Variants in GLOD4 observed in about 807,000 individuals in gnomAD.
GLOD4 encodes glyoxalase domain-containing protein 4.
A neutral mutation model predicts 39.1 loss-of-function variants in GLOD4; 44 were observed. The ratio of observed to expected loss-of-function variants is 1.13; its 90% CI spans 0.88 to 1.45. The LOEUF is 1.45. GLOD4 is among the 40% of genes most tolerant of loss of function. GLOD4 has a pLI of 0.00. For synonymous variants in GLOD4, 145 were observed against 135.0 expected (o/e 1.07, Z -0.52); for missense variants, 405 against 366.4 (o/e 1.11, Z -0.86).
At chr17:782,365 G>A (rs759119521), upstream of GLOD4, 3 of 1,613,348 alleles carry the variant, frequency 1.9e-6, no homozygotes, top group African/African-American at 1.3e-5. Flanking sequence ...GACGCAGCCC[G>A]GGTCTCAGGG....
At chr17:779,963 G>A (rs1168147183) in intron 1 of GLOD4, among the ~76,000 whole-genome samples, 2 of 152,102 alleles carry the variant, frequency 1.3e-5, no homozygotes, top group African/African-American at 2.4e-5. Flanking sequence ...AGGAGATCGA[G>A]ACCATCCTGG....
intron 8 of GLOD4, among the ~76,000 whole-genome samples, chr17:762,077 T>C (rs1431710496): frequency 1.3e-5 from 2 of 152,208 alleles, no homozygotes; most frequent in African/African-American, 4.8e-5. Flanking sequence ...AATTACTGGC[T>C]GTTTGCTTTG....
intron 8 of GLOD4, among the ~76,000 whole-genome samples, chr17:761,260 A>G (rs549586508): frequency 5.9e-5 from 9 of 152,316 alleles, no homozygotes; most frequent in South Asian, 4.1e-4. Flanking sequence ...AGAAACAAAT[A>G]TATTTATTAT....
chr17:767,003 T>C (rs1170877136), intron 8 of GLOD4, among the ~76,000 whole-genome samples: 1 of 152,248 alleles, frequency 6.6e-6, no homozygotes, highest in East Asian at 1.9e-4. Flanking sequence ...TCCTTCAGGA[T>C]AAAATGTATA....
In GLOD4 at chr17:776,915, T is replaced by G. The variant is rs1475798596; in HGVS notation, c.214A>C (p.Thr72Pro). ...TAGTCTCCGACGCCATAATTGTAAG[T>G]CAGTTCTGCGACAAAATGATCATCC... ...PEDDHFVAEL[T>P]YNYGVGDYKL... The change falls in exon 3 of 9, where the codon ACT becomes CCT. Residue 72 changes from threonine to proline, a missense_variant. By Grantham distance (38) the Thr-to-Pro change is conservative. Transcript: ENST00000301329. 1.2e-6 allele frequency: 2 copies of G among 1,612,088 alleles called. No individual in the cohort carries two copies. Among genetic ancestry groups the G allele is most frequent in the Non-Finnish European group, 8.5e-7 (1 of 1,178,132 alleles).
chr17:782,939 C>T (rs1910231855), upstream of GLOD4: 1 of 1,229,952 alleles, frequency 8.1e-7, no homozygotes. Context: ...CCGCCCGCCT[C>T]GGCCTCCCAA....
At chr17:779,493 C>A (rs1909510148) in intron 1 of GLOD4, among the ~76,000 whole-genome samples, 1 of 151,648 alleles carries the variant, frequency 6.6e-6, no homozygotes, top group Non-Finnish European at 1.5e-5. Flanking sequence ...ACAAAATTAG[C>A]CAGGCATGGT....
chr17:776,785 C>A (rs1002001870), intron 3 of GLOD4, 83 bp downstream of exon 3: 2 of 1,024,408 alleles, frequency 2.0e-6, no homozygotes, highest in African/African-American at 1.6e-5. Flanking sequence ...TCTTCACTCA[C>A]ACACACCCTT....
chr17:784,758 C>A (rs1355746318), upstream of GLOD4, among the ~76,000 whole-genome samples: 1 of 152,188 alleles, frequency 6.6e-6, no homozygotes, highest in African/African-American at 2.4e-5. Flanking sequence ...ATAAGTAGGG[C>A]CTCCGTATAG....
At chr17:780,965 G>C (rs149668309) in intron 1 of GLOD4, among the ~76,000 whole-genome samples, 2 of 140,176 alleles carry the variant, frequency 1.4e-5, no homozygotes, top group African/African-American at 2.7e-5. Flanking sequence ...TCGTCATCCA[G>C]GCTGGAACAC....
At chr17:764,428 G>A (rs897547122) in intron 8 of GLOD4, 1 of 152,216 alleles carries the variant, frequency 6.6e-6, no homozygotes, top group African/African-American at 2.4e-5. Flanking sequence ...GTGGACAAAC[G>A]ATGGTCCGAT....
intron 5 of GLOD4, 91 bp downstream of exon 5, chr17:771,234 A>G (rs1907898324): frequency 1.4e-6 from 1 of 728,730 alleles, no homozygotes; most frequent in Admixed American, 2.8e-5. Flanking sequence ...CCTTCATGTT[A>G]ACTTCATTTA....
At position 760,319 on chromosome 17, in the gene GLOD4, GACC is replaced by G; in HGVS notation, c.832-84_832-82del. On this transcript the variant is annotated intron_variant, in intron 8 of 8. Coordinates refer to ENST00000301329, the MANE Select transcript of GLOD4 (RefSeq NM_016080.4). ...AGCCCACTTTATATCTCACTGTACTGACCACAATAAAAAAAATTAACATTAAAA... is the reference window on the plus strand; with the variant it reads ...AGCCCACTTTATATCTCACTGTACTGACAATAAAAAAAATTAACATTAAAA... The G allele has an allele frequency of 6.9e-6, 5 of 726,116 alleles. No individual in the cohort carries two copies. The South Asian group carries it at 8.1e-5, about 12-fold the overall frequency. The allele number at this position is 726,116 out of a possible 1,614,324, so 45.0% of individuals were successfully genotyped here. A position where few individuals can be genotyped will look rare whatever the true frequency, so the allele number is the denominator to read the frequency against.
At chr17:774,948 A>C (rs2144414536) in intron 4 of GLOD4, among the ~76,000 whole-genome samples, 1 of 152,148 alleles carries the variant, frequency 6.6e-6, no homozygotes, top group East Asian at 1.9e-4. Flanking sequence ...ATGTGCCTGT[A>C]ATCTCAGCTA....
In GLOD4 at chr17:770,054, A is replaced by G; in HGVS notation, c.734T>C (p.Leu245Pro). ...PGKATVQVVI[L>P]ADPDGHEICF... The stretch of plus-strand genomic sequence containing the variant: ...CTGAGAAATACTTACAGGGTCGGCC[A>G]GAATGACCACCTGTACTGTTGCTTT... Residue 245 changes from leucine to proline, a missense_variant, in exon 7 of 9, where the codon CTG (leucine) becomes CCG (proline). Physicochemically the swap from Leu to Pro is moderately conservative, Grantham distance 98. Transcript: ENST00000301329. 6.2e-7 allele frequency: 1 copy of G among 1,606,706 alleles called. No individual in the cohort carries two copies. The highest frequency in any genetic ancestry group is 8.5e-7 in the Non-Finnish European group (1 of 1,173,260).
rs895474099 is a variant in GLOD4, at chr17:760,107, T to C, written c.*66A>G. 6 of 889,898 alleles carry C rather than the reference T, an allele frequency of 6.7e-6. No individual in the cohort carries two copies. The highest frequency in any genetic ancestry group is 1.1e-5 in the Non-Finnish European group (6 of 522,166). The allele number at this position is 889,898 out of a possible 1,614,324, so 55.1% of individuals were successfully genotyped here. On this transcript the variant is annotated 3_prime_UTR_variant, in exon 9 of 9. Transcript: ENST00000301329. ...AATCAGAAGAGCATTTATTGGGAAC[T>C]GACACGTCAGGCCTCACAGGTGCTG...
At position 771,487 on chromosome 17, in the gene GLOD4, A is replaced by T. The variant is rs545628630; in HGVS notation, c.407-26T>A. On this transcript the variant is annotated intron_variant, in intron 4 of 8. Transcript: ENST00000301329. ...CTGTTGGGTAATAAAGCAGGAATAG[A>T]CAGATCAATTTAATAGAATAAAATA... 6.4e-6 allele frequency: 9 copies of T among 1,395,372 alleles called. No individual in the cohort carries two copies. The East Asian group carries it at 1.9e-4, about 30-fold the overall frequency. The allele number at this position is 1,395,372 out of a possible 1,614,324, so 86.4% of individuals were successfully genotyped here. A position where few individuals can be genotyped will look rare whatever the true frequency, so the allele number is the denominator to read the frequency against.
At chr17:768,408 G>A (rs1296231767) in intron 8 of GLOD4, among the ~76,000 whole-genome samples, 2 of 141,846 alleles carry the variant, frequency 1.4e-5, no homozygotes, top group Non-Finnish European at 3.0e-5. Flanking sequence ...GAAACAGCGC[G>A]CGCTCAGATT....
At chr17:782,765 C>T, upstream of GLOD4, 2 of 1,453,410 alleles carry the variant, frequency 1.4e-6, no homozygotes, top group Non-Finnish European at 1.8e-6. Context: ...TAACCTCCTT[C>T]CGATGGAGGA....
Sources: gnomAD v4.1 joint callset for allele counts (sites outside exome capture counted in the v4.1 genomes callset) on GRCh38, gnomAD v4.1.1 for gene constraint, MANE v1.5 for transcripts, NCBI Gene and HGNC (gene_info 2026-07-23, HGNC 2026-07-21) for gene names.